Variants in SNX29 observed in about 807,000 individuals in gnomAD.
SNX29 encodes sorting nexin 29.
In SNX29, 78 loss-of-function variants were observed where a neutral mutation model predicts 102.1. The observed-to-expected ratio is 0.76, with a 90% CI of 0.64 to 0.92. SNX29 has a LOEUF of 0.92. SNX29 is among the 40% of genes least tolerant of loss of function. The probability of loss-of-function intolerance (pLI) is 0.00; values close to 1 mark genes in which losing one functional copy is unlikely to be tolerated. For missense variants in SNX29, 1,280 were observed against 1,061.7 expected (o/e 1.21, Z -2.86); for synonymous variants, 580 against 414.5 (o/e 1.40, Z -4.85).
intron 13 of SNX29, chr16:12,135,408 C>A: frequency 1.3e-6 from 1 of 775,578 alleles, no homozygotes; most frequent in Admixed American, 2.7e-5. Flanking sequence ...AGGATGGCAG[C>A]CCACCCAGGC....
intron 20 of SNX29, among the ~76,000 whole-genome samples, chr16:12,559,764 C>G (rs2078608977): frequency 6.6e-6 from 1 of 152,148 alleles, no homozygotes; most frequent in Admixed American, 6.5e-5. Flanking sequence ...ACAGCAGTCA[C>G]TCTGAAAGCA....
intron 20 of SNX29, among the ~76,000 whole-genome samples, chr16:12,568,304 T>TAAAAA (rs34750195): frequency 1.8e-4 from 27 of 146,420 alleles, no homozygotes; most frequent in East Asian, 6.1e-4. Flanking sequence ...GGAGTGCTGT[T>TAAAAA]AAAAAAAAAA....
At chr16:12,429,551 G>A (rs910882826) in intron 18 of SNX29, among the ~76,000 whole-genome samples, 1 of 152,160 alleles carries the variant, frequency 6.6e-6, no homozygotes, top group Non-Finnish European at 1.5e-5. Context: ...TTACAGATGT[G>A]AGCCACTGTA....
chr16:12,314,936 G>C (rs976899644), intron 15 of SNX29, among the ~76,000 whole-genome samples: 9 of 152,216 alleles, frequency 5.9e-5, no homozygotes, highest in Admixed American at 3.3e-4. Context: ...AATAATCCTT[G>C]AGTGGTTTCT....
rs143955281 is a variant in SNX29, at chr16:12,352,196, A to T, written c.1783-3967A>T. Among the ~76,000 whole-genome samples the T allele has an allele frequency of 9.6e-3, 1,467 of 152,314 alleles. 81 individuals carry two copies. Among genetic ancestry groups the T allele is most frequent in the Admixed American group, 0.085 (1,299 of 15,302 alleles). ...GAATACTATGCAGCCATAAAAAATG[A>T]TGAGTTCATGTCCTTTGTACGGACA... On this transcript the variant is annotated intron_variant, in intron 15 of 20. Coordinates refer to ENST00000566228, the MANE Select transcript of SNX29 (RefSeq NM_032167.5).
At chr16:12,215,557 G>C (rs1456982212) in intron 14 of SNX29, among the ~76,000 whole-genome samples, 1 of 152,184 alleles carries the variant, frequency 6.6e-6, no homozygotes, top group East Asian at 1.9e-4. Context: ...CTGGGCTCCA[G>C]AGGGGGGTGC....
chr16:12,067,412 G>A (rs141077136), intron 9 of SNX29, among the ~76,000 whole-genome samples: 2,857 of 152,262 alleles, frequency 0.019, 68 homozygotes, highest in African/African-American at 0.047. Context: ...GCACCGAGGC[G>A]TGCTCTCTCC....
At chr16:12,461,978 A>AAAAAAATAT (rs1555544501) in intron 18 of SNX29, among the ~76,000 whole-genome samples, 4 of 27,350 alleles carry the variant, frequency 1.5e-4, no homozygotes, top group African/African-American at 4.1e-4. Flanking sequence ...AAAAAAAAAA[A>AAAAAAATAT]ATATATATAT....
At chr16:12,289,586 C>G (rs577091607) in intron 15 of SNX29, among the ~76,000 whole-genome samples, 107 of 152,286 alleles carry the variant, frequency 7.0e-4, no homozygotes, top group Middle Eastern at 6.8e-3. Context: ...GCTGAAGCCT[C>G]ATTTCCAGTT....
chr16:12,069,901 A>G (rs965920939), intron 10 of SNX29, among the ~76,000 whole-genome samples: 1 of 150,980 alleles, frequency 6.6e-6, no homozygotes, highest in Non-Finnish European at 1.5e-5. Flanking sequence ...CGTGGTCTCG[A>G]TCTCCTGACC....
intron 11 of SNX29, among the ~76,000 whole-genome samples, chr16:12,125,027 CAG>C (rs1255344370): frequency 1.3e-5 from 2 of 152,290 alleles, no homozygotes; most frequent in East Asian, 1.9e-4. Context: ...CTGCGCGGCT[CAG>C]GGGAGAGGAG....
chr16:12,109,144 A>AAAAG (rs1555461960), intron 11 of SNX29, among the ~76,000 whole-genome samples: 4,996 of 130,516 alleles, frequency 0.038, 308 homozygotes, highest in Middle Eastern at 0.056. Context: ...AAAAAAAAAA[A>AAAAG]AAAAAAAAAA....
chr16:12,324,872 A>G (rs891141274), intron 15 of SNX29, among the ~76,000 whole-genome samples: 2 of 152,108 alleles, frequency 1.3e-5, no homozygotes, highest in African/African-American at 2.4e-5. Flanking sequence ...AAACTCCACT[A>G]GGTAATGAAA....
intron 20 of SNX29, 72 bp from the exon 21 acceptor site, chr16:12,568,434 C>A: frequency 6.3e-7 from 1 of 1,581,648 alleles, no homozygotes. Context: ...TCACACCTGG[C>A]TCCCCTTCCT....
At chr16:12,137,961 G>T (rs1231585411) in intron 13 of SNX29, among the ~76,000 whole-genome samples, 1 of 152,156 alleles carries the variant, frequency 6.6e-6, no homozygotes, top group Non-Finnish European at 1.5e-5. Flanking sequence ...GCCAACTCTG[G>T]TAGTCGCTGC....
At chr16:12,173,114 T>C (rs907615988) in intron 13 of SNX29, among the ~76,000 whole-genome samples, 21 of 152,198 alleles carry the variant, frequency 1.4e-4, no homozygotes, top group African/African-American at 9.6e-5. Context: ...AGGAAGTCAA[T>C]TGGCGCCGGT....
chr16:12,347,020 T>C (rs181281828), intron 15 of SNX29, among the ~76,000 whole-genome samples: 60 of 152,294 alleles, frequency 3.9e-4, no homozygotes, highest in Admixed American at 2.5e-3. Context: ...AACTGAGCTG[T>C]TTTTAGTGAT....
chr16:12,564,129 C>T (rs574106606), intron 20 of SNX29, among the ~76,000 whole-genome samples: 1 of 152,090 alleles, frequency 6.6e-6, no homozygotes, highest in Non-Finnish European at 1.5e-5. Flanking sequence ...TGGATCGTGC[C>T]TATAATCCCA....
chr16:12,101,216 C>T (rs1056388688), intron 11 of SNX29, among the ~76,000 whole-genome samples: 1 of 151,418 alleles, frequency 6.6e-6, no homozygotes, highest in African/African-American at 2.4e-5. Context: ...AGGGAGCAGC[C>T]TATTTTGTTC....
Sources: allele counts gnomAD v4.1 joint callset (sites outside exome capture counted in the v4.1 genomes callset), GRCh38; gene constraint gnomAD v4.1.1; transcripts MANE v1.5; gene names NCBI Gene and HGNC (gene_info 2026-07-23, HGNC 2026-07-21).